SYNDIG1: variants seen among roughly 807,000 people sequenced by gnomAD.
The protein encoded by SYNDIG1 is synapse differentiation inducing 1, also known as synapse differentiation-inducing gene protein 1.
SYNDIG1 carries 9 observed loss-of-function variants against 19.4 expected under a neutral mutation model. That is an observed-to-expected ratio of 0.46 (90% CI 0.28 to 0.81). The LOEUF (loss-of-function observed/expected upper bound fraction) is 0.81. Ranked by LOEUF, SYNDIG1 falls within the 30% of genes least tolerant of loss-of-function variation. SYNDIG1 has a pLI of 0.12. For missense variants in SYNDIG1, 311 were observed against 343.3 expected (o/e 0.91, Z 0.74); for synonymous variants, 141 against 145.9 (o/e 0.97, Z 0.24).
chr20:24,522,903 AAC>A (rs142865542), intron 1 of SYNDIG1, among the ~76,000 whole-genome samples: 195 of 152,310 alleles, frequency 1.3e-3, no homozygotes, highest in African/African-American at 4.2e-3. Context: ...CATGTAAACT[AAC>A]ACAGCAAGAA....
rs59038259 is a variant in SYNDIG1, at chr20:24,627,150, G to GGAGAGCGAGAGCGAGAGC, written c.619-38177_619-38160dup. Among the ~76,000 whole-genome samples the GGAGAGCGAGAGCGAGAGC allele has an allele frequency of 4.4e-3, 604 of 136,482 alleles. 1 individual carries two copies. The highest frequency in any genetic ancestry group is 0.012 in the Middle Eastern group (3 of 254). 89.5% of individuals were successfully genotyped at this position (136,482 alleles called of 152,430 possible). A position where few individuals can be genotyped will look rare whatever the true frequency, so the allele number is the denominator to read the frequency against. On this transcript the variant is annotated intron_variant, in intron 3 of 3. Coordinates refer to ENST00000376862, the MANE Select transcript of SYNDIG1 (RefSeq NM_024893.3). ...GGGAGAGGGAGAGGGAGAGGGAGAG[G>GGAGAGCGAGAGCGAGAGC]GAGAGCGAGAGCGAGAGCGAGAGCG...
intron 1 of SYNDIG1, among the ~76,000 whole-genome samples, chr20:24,500,681 G>T (rs1026079386): frequency 6.6e-6 from 1 of 151,836 alleles, no homozygotes; most frequent in Non-Finnish European, 1.5e-5. Flanking sequence ...TCTTTCTTTA[G>T]ACTTGACCTC....
At position 24,639,118 on chromosome 20, in the gene SYNDIG1, T is replaced by C. The variant is rs542081602; in HGVS notation, c.619-26228T>C. 2.6e-5 allele frequency among the ~76,000 whole-genome samples: 4 copies of C among 152,276 alleles called. No individual in the cohort carries two copies. In the East Asian group the frequency reaches 7.7e-4, roughly 29 times the overall value. On this transcript the variant is annotated intron_variant, in intron 3 of 3. Coordinates refer to ENST00000376862, the MANE Select transcript of SYNDIG1 (RefSeq NM_024893.3). ...CACACATTATTATAATACAAAGCACTGTGTGCAGCCTAAAATGTGGAGACA... is the reference window on the plus strand; with the variant it reads ...CACACATTATTATAATACAAAGCACCGTGTGCAGCCTAAAATGTGGAGACA...
chr20:24,569,502 C>T lies in SYNDIG1; in HGVS notation c.481-15354C>T, dbSNP rs559240828. On this transcript the variant is annotated intron_variant, in intron 2 of 3. Transcript: ENST00000376862. ...GCCCCGGGGTAGCCCACCCCAAGGA[C>T]ATTGGTGACTTGCCCAAGGGTCTCA... 5.8e-4 allele frequency among the ~76,000 whole-genome samples: 88 copies of T among 152,290 alleles called. 1 individual carries two copies. The South Asian group carries it at 0.017, about 30-fold the overall frequency.
chr20:24,550,761 C>T (rs1254392676), intron 2 of SYNDIG1, among the ~76,000 whole-genome samples: 4 of 152,168 alleles, frequency 2.6e-5, no homozygotes, highest in East Asian at 1.9e-4. Context: ...CTGCCCGCCT[C>T]GGCCTCCCAA....
In SYNDIG1 at chr20:24,497,560, C is replaced by T. The variant is rs373877495; in HGVS notation, c.-79+27807C>T. ...CACAAATGGGCTTCTTAGATTTCAG[C>T]GCAGTTGGGGTCTTGGAAGGGATTG... On this transcript the variant is annotated intron_variant, in intron 1 of 3. Coordinates refer to ENST00000376862, the MANE Select transcript of SYNDIG1 (RefSeq NM_024893.3). Among the ~76,000 whole-genome samples, 71 of 152,258 alleles carry T rather than the reference C, an allele frequency of 4.7e-4. No individual in the cohort carries two copies. In the South Asian group the frequency reaches 1.0e-2, roughly 21 times the overall value.
intron 1 of SYNDIG1, among the ~76,000 whole-genome samples, chr20:24,517,813 A>G (rs2056918880): frequency 6.9e-6 from 1 of 145,494 alleles, no homozygotes; most frequent in South Asian, 2.2e-4. Flanking sequence ...TTTTATATAT[A>G]TATATATTTT....
chr20:24,629,645 G>C (rs937083173), intron 3 of SYNDIG1, among the ~76,000 whole-genome samples: 1 of 152,098 alleles, frequency 6.6e-6, no homozygotes, highest in Admixed American at 6.6e-5. Flanking sequence ...CCTGTGCCAC[G>C]CCGTGCTGTA....
chr20:24,660,271 G>A (rs2059571118), intron 3 of SYNDIG1, among the ~76,000 whole-genome samples: 1 of 152,198 alleles, frequency 6.6e-6, no homozygotes, highest in Non-Finnish European at 1.5e-5. Context: ...TACGGGAGTG[G>A]AATTGTTGTT....
At chr20:24,537,281 A>C (rs925122779) in intron 1 of SYNDIG1, among the ~76,000 whole-genome samples, 1 of 152,220 alleles carries the variant, frequency 6.6e-6, no homozygotes, top group Non-Finnish European at 1.5e-5. Context: ...GAAAGGAGAG[A>C]GGATTCTATA....
intron 3 of SYNDIG1, among the ~76,000 whole-genome samples, chr20:24,650,916 A>G (rs1055851999): frequency 6.6e-6 from 1 of 151,632 alleles, no homozygotes; most frequent in African/African-American, 2.4e-5. Flanking sequence ...GCTCACTGCA[A>G]CCCCCGCCTC....
At chr20:24,560,109 C>T (rs1329244561) in intron 2 of SYNDIG1, among the ~76,000 whole-genome samples, 1 of 114,220 alleles carries the variant, frequency 8.8e-6, no homozygotes, top group Admixed American at 1.2e-4. Context: ...CACTCTGTCA[C>T]CCAGGCTGGA....
At chr20:24,634,215 A>C (rs1298314042) in intron 3 of SYNDIG1, among the ~76,000 whole-genome samples, 4 of 152,212 alleles carry the variant, frequency 2.6e-5, no homozygotes, top group Admixed American at 1.3e-4. Context: ...AGTGCAATGC[A>C]GCTTGCTTTT....
intron 3 of SYNDIG1, among the ~76,000 whole-genome samples, chr20:24,622,021 T>G (rs932738916): frequency 6.6e-6 from 1 of 152,100 alleles, no homozygotes; most frequent in Non-Finnish European, 1.5e-5. Flanking sequence ...AGGCCAAAAG[T>G]CAAGAGAACA....
intron 1 of SYNDIG1, among the ~76,000 whole-genome samples, chr20:24,505,847 G>A (rs1165263501): frequency 6.6e-6 from 1 of 152,228 alleles, no homozygotes; most frequent in Non-Finnish European, 1.5e-5. Context: ...ATAGAGACAT[G>A]CCATTAAAAG....
chr20:24,478,721 C>T lies in SYNDIG1; in HGVS notation c.-79+8968C>T, dbSNP rs142886103. Among the ~76,000 whole-genome samples, 9 of 152,248 alleles carry T rather than the reference C, an allele frequency of 5.9e-5. No homozygotes were observed. The East Asian group carries it at 1.4e-3, about 23-fold the overall frequency. ...TTTCAGTGGTTTCCTGGGAGGAGAG[C>T]GCCACAGCCAGTCAGGGGCACCATG... On this transcript the variant is annotated intron_variant, in intron 1 of 3. Coordinates refer to ENST00000376862, the MANE Select transcript of SYNDIG1 (RefSeq NM_024893.3).
chr20:24,637,463 G>A (rs1273850217), intron 3 of SYNDIG1, among the ~76,000 whole-genome samples: 1 of 152,144 alleles, frequency 6.6e-6, no homozygotes, highest in Non-Finnish European at 1.5e-5. Context: ...AGAGACATCA[G>A]CCCTCAGAGG....
chr20:24,483,318 T>TA (rs1270633008), intron 1 of SYNDIG1, among the ~76,000 whole-genome samples: 2 of 152,242 alleles, frequency 1.3e-5, no homozygotes, highest in African/African-American at 2.4e-5. Flanking sequence ...GGCATGGGGT[T>TA]ACATGTGGAT....
chr20:24,583,291 C>T (rs1021950611), intron 2 of SYNDIG1, among the ~76,000 whole-genome samples: 4 of 152,226 alleles, frequency 2.6e-5, no homozygotes, highest in Non-Finnish European at 5.9e-5. Context: ...GTGGGCCCAC[C>T]TGCACTTTTG....
Sources: gnomAD v4.1 joint callset for allele counts (sites outside exome capture counted in the v4.1 genomes callset) on GRCh38, gnomAD v4.1.1 for gene constraint, MANE v1.5 for transcripts, NCBI Gene and HGNC (gene_info 2026-07-23, HGNC 2026-07-21) for gene names.